Variants in HEXB observed in about 807,000 individuals in gnomAD.
HEXB encodes the protein hexosaminidase subunit beta.
In HEXB, 51 loss-of-function variants were observed where a neutral mutation model predicts 71.2. The observed-to-expected ratio is 0.72, with a 90% CI of 0.57 to 0.90. HEXB has a LOEUF of 0.90. Ranked by LOEUF, HEXB falls within the 40% of genes least tolerant of loss-of-function variation. The pLI is 0.00. For synonymous variants in HEXB, 266 were observed against 249.3 expected (o/e 1.07, Z -0.63); for missense variants, 617 against 677.0 (o/e 0.91, Z 0.98).
At chr5:74,717,400 C>G (rs1486142954) in intron 9 of HEXB, among the ~76,000 whole-genome samples, 1 of 151,914 alleles carries the variant, frequency 6.6e-6, no homozygotes, top group Non-Finnish European at 1.5e-5. Context: ...GTTAAAAATT[C>G]AGCTACTCAG....
chr5:74,689,552 C>A (rs1748949242), intron 2 of HEXB, 79 bp downstream of exon 2: 9 of 1,101,510 alleles, frequency 8.2e-6, no homozygotes, highest in Non-Finnish European at 9.8e-6. Flanking sequence ...TGACTCCATG[C>A]TAGGAACCAC....
chr5:74,704,599 C>G (rs1225788077), intron 5 of HEXB, among the ~76,000 whole-genome samples: 1 of 152,114 alleles, frequency 6.6e-6, no homozygotes, highest in Non-Finnish European at 1.5e-5. Flanking sequence ...TATTCCCAAA[C>G]ACAGTGGCAG....
intron 6 of HEXB, 166 bp downstream of exon 6, chr5:74,705,486 C>CT: frequency 1.6e-6 from 1 of 617,656 alleles, no homozygotes; most frequent in Non-Finnish European, 2.9e-6. Context: ...ATCCATAAAA[C>CT]TTTTTTTGTT....
chr5:74,697,173 T>C (rs537451266), intron 5 of HEXB, 67 bp downstream of exon 5: 1 of 818,576 alleles, frequency 1.2e-6, no homozygotes, highest in Admixed American at 1.8e-5. Flanking sequence ...TGTAACTTTA[T>C]GTTGGTTACT....
intron 1 of HEXB, among the ~76,000 whole-genome samples, chr5:74,659,641 G>C (rs10071175): frequency 0.41 from 62,978 of 151,966 alleles, 14,850 homozygotes; most frequent in East Asian, 0.63. Context: ...GTAAGCGTGA[G>C]AGCTGGAGAA....
intron 1 of HEXB, among the ~76,000 whole-genome samples, chr5:74,657,497 G>T: frequency 6.6e-6 from 1 of 152,090 alleles, no homozygotes; most frequent in African/African-American, 2.4e-5. Context: ...TTTTCCTTCG[G>T]AGCACTTATC....
intron 1 of HEXB, among the ~76,000 whole-genome samples, chr5:74,649,366 G>T (rs1473932745): frequency 4.6e-5 from 7 of 152,180 alleles, no homozygotes; most frequent in Non-Finnish European, 8.8e-5. Flanking sequence ...CCAATGGGAT[G>T]GTCTTGGAGC....
chr5:74,721,264 GAATAA>G lies in HEXB; in HGVS notation c.*94_*98del. The G allele has an allele frequency of 4.7e-6, 5 of 1,064,990 alleles. No homozygotes were observed. The highest frequency in any genetic ancestry group is 7.3e-6 in the Non-Finnish European group (5 of 689,364). The allele number at this position is 1,064,990 out of a possible 1,614,324, so 66.0% of individuals were successfully genotyped here. On this transcript the variant is annotated 3_prime_UTR_variant, in exon 14 of 14. Transcript: ENST00000261416. ...AAAATAAGATATTAGACTGTTTTTT[GAATAA>G]AATATTTTTATTGATTGAACCTTTG...
intron 1 of HEXB, among the ~76,000 whole-genome samples, chr5:74,667,676 T>C (rs1417420843): frequency 6.6e-6 from 1 of 152,162 alleles, no homozygotes; most frequent in Non-Finnish European, 1.5e-5. Context: ...GGTTTGCTTG[T>C]ATGAGGGCAG....
intron 1 of HEXB, among the ~76,000 whole-genome samples, chr5:74,680,107 A>T (rs1361902500): frequency 6.6e-6 from 1 of 152,248 alleles, no homozygotes; most frequent in Non-Finnish European, 1.5e-5. Context: ...CACAGTCTTT[A>T]ACAGCAGAAA....
chr5:74,675,573 G>A (rs1010452178), intron 1 of HEXB, among the ~76,000 whole-genome samples: 1 of 152,126 alleles, frequency 6.6e-6, no homozygotes, highest in Admixed American at 6.5e-5. Flanking sequence ...GTAAATGAAG[G>A]TCACTGCCCC....
At chr5:74,676,522 C>T (rs757966140) in intron 1 of HEXB, among the ~76,000 whole-genome samples, 2 of 152,194 alleles carry the variant, frequency 1.3e-5, no homozygotes, top group Non-Finnish European at 2.9e-5. Flanking sequence ...AATCCCAGCA[C>T]TTTGGGAGCC....
rs374849761 is a variant in HEXB, at chr5:74,669,749, G to T, written c.-376-19579G>T. ...GAGGATTTCCAGGGAAGACAGTGTG[G>T]TCTTGGCATAAAGACAGCAAAACGG... On this transcript the variant is annotated intron_variant, in intron 1 of 13. Transcript: ENST00000511181. Among the ~76,000 whole-genome samples, 70 of 152,212 alleles carry T rather than the reference G, an allele frequency of 4.6e-4. 2 individuals carry two copies. The South Asian group carries it at 0.014, about 31-fold the overall frequency.
Position 74,713,616 on chromosome 5 carries a change from T to G in HEXB, c.882T>G (p.His294Gln). 6.2e-7 allele frequency: 1 copy of G among 1,613,322 alleles called. No individual in the cohort carries two copies. The highest frequency in any genetic ancestry group is 8.5e-7 in the Non-Finnish European group (1 of 1,179,246). Residue 294 changes from histidine (H) to glutamine (Q), a missense_variant, in exon 7 of 14, where the codon CAT becomes CAG. Coordinates refer to ENST00000261416, the MANE Select transcript of HEXB (RefSeq NM_000521.4). ...TGCCAGAATTTGATACCCCTGGGCA[T>G]ACACTATCTTGGGGAAAAGGTAAGG... ...RVLPEFDTPG[H>Q]TLSWGKGQKD...
rs938611392 is a variant in HEXB, at chr5:74,693,641, A to G, written c.448A>G (p.Thr150Ala). 3.1e-6 allele frequency: 5 copies of G among 1,608,432 alleles called. No individual in the cohort carries two copies. Among genetic ancestry groups the G allele is most frequent in the Non-Finnish European group, 4.3e-6 (5 of 1,174,676 alleles). Reference protein sequence around the residue: ...FPNISSDESYTLLVKEPVAVL... With the variant: ...FPNISSDESYALLVKEPVAVL... ...GTGATTTTAAATCCTCAATACAGAT[A>G]CTTTACTTGTGAAAGAACCAGTGGC... is the stretch of plus-strand genomic sequence containing the variant. Residue 150 changes from threonine (T) to alanine (A), a missense_variant and splice_region_variant, in exon 3 of 14, where the codon ACT becomes GCT. Transcript: ENST00000261416.
chr5:74,675,800 C>T lies in HEXB; in HGVS notation c.-376-13528C>T, dbSNP rs918310190. ...CTGTGTTTCCACAGCTGACTGGGGT[C>T]GGGGGGTGAGGTGGTGGTATAAGCA... On this transcript the variant is annotated intron_variant, in intron 1 of 13. Transcript: ENST00000511181. Among the ~76,000 whole-genome samples the T allele has an allele frequency of 9.2e-5, 14 of 152,216 alleles. No individual in the cohort carries two copies. In the East Asian group the frequency reaches 2.7e-3, roughly 29 times the overall value.
In HEXB at chr5:74,697,163, T is replaced by A. The variant is rs938573138; in HGVS notation, c.669+57T>A. On this transcript the variant is annotated intron_variant, in intron 5 of 13. Coordinates refer to ENST00000261416, the MANE Select transcript of HEXB (RefSeq NM_000521.4). ...TATTCTGAAGATGTCTCCTTTATGT[T>A]GTAACTTTATGTTGGTTACTATTGT... 2.5e-5 allele frequency: 21 copies of A among 850,898 alleles called. No individual in the cohort carries two copies. In the African/African-American group the frequency reaches 2.5e-4, roughly 10 times the overall value. 52.7% of individuals were successfully genotyped at this position (850,898 alleles called of 1,614,324 possible).
chr5:74,684,389 C>T (rs820872), upstream of HEXB, among the ~76,000 whole-genome samples: 81,384 of 152,130 alleles, frequency 0.53, 22,186 homozygotes, highest in Non-Finnish European at 0.57. Context: ...TCTCAGGATT[C>T]CTTGGGCATG....
chr5:74,700,739 C>T (rs1003767260), intron 5 of HEXB, among the ~76,000 whole-genome samples: 4 of 151,916 alleles, frequency 2.6e-5, no homozygotes, highest in African/African-American at 9.7e-5. Context: ...CGGAGTTTTG[C>T]TCTTGTTGCA....
Sources: gnomAD v4.1 joint callset for allele counts (sites outside exome capture counted in the v4.1 genomes callset) on GRCh38, gnomAD v4.1.1 for gene constraint, MANE v1.5 for transcripts, NCBI Gene and HGNC (gene_info 2026-07-23, HGNC 2026-07-21) for gene names.